The following TOM1L2 variants were observed in gnomAD, a reference collection of about 807,000 sequenced individuals.
TOM1L2 encodes target of myb1 like 2 membrane trafficking protein.
A neutral mutation model predicts 67.9 loss-of-function variants in TOM1L2; 31 were observed. That is an observed-to-expected ratio of 0.46 (90% CI 0.34 to 0.62). TOM1L2 has a LOEUF of 0.62. Among genes scored for constraint, TOM1L2 ranks in the 20% least tolerant of loss-of-function variants. The pLI is 0.01. For missense variants in TOM1L2, 606 were observed against 663.5 expected, an observed-to-expected ratio of 0.91 and a Z score of 0.95; for synonymous variants, 256 against 254.0, an observed-to-expected ratio of 1.01 and a Z score of -0.07.
intron 1 of TOM1L2, among the ~76,000 whole-genome samples, chr17:17,947,212 G>T (rs1431625654): frequency 6.6e-6 from 1 of 151,042 alleles, no homozygotes; most frequent in Non-Finnish European, 1.5e-5. Flanking sequence ...TATACGGTGG[G>T]GGGGTCTCAC....
intron 7 of TOM1L2, among the ~76,000 whole-genome samples, chr17:17,871,255 C>T (rs2037137718): frequency 6.6e-6 from 1 of 152,116 alleles, no homozygotes; most frequent in African/African-American, 2.4e-5. Context: ...CCTGTAGTCC[C>T]AGCTACTTGG....
intron 1 of TOM1L2, among the ~76,000 whole-genome samples, chr17:17,969,058 T>C (rs1014444385): frequency 6.7e-5 from 9 of 133,406 alleles, no homozygotes; most frequent in Admixed American, 5.9e-4. Context: ...CCAGCTCTCC[T>C]TTTTTTTTTT....
At position 17,850,973 on chromosome 17, in the gene TOM1L2, G is replaced by A. The variant is rs371214368; in HGVS notation, c.1279-21C>T. 131 of 1,613,074 alleles carry A rather than the reference G, an allele frequency of 8.1e-5. 1 individual carries two copies. Among genetic ancestry groups the A allele is most frequent in the South Asian group, 5.7e-4 (52 of 91,084 alleles). ...GGGATCTATGGAGGCGGCAAGCAGC[G>A]GGCCAGGCAGCCCCCACACAGCCAG... On this transcript the variant is annotated intron_variant, in intron 12 of 14. Coordinates refer to ENST00000379504, the MANE Select transcript of TOM1L2 (RefSeq NM_001082968.2).
Position 17,893,632 on chromosome 17 carries a change from C to A in TOM1L2, c.366+29G>T, listed in dbSNP as rs186028319. Reference sequence around the variant, plus strand: ...TAAGAGACTTCATCTTACTCTGTTCCAACAAATTGGGCAAGGGGTCCAACC... The same window carrying A: ...TAAGAGACTTCATCTTACTCTGTTCAAACAAATTGGGCAAGGGGTCCAACC... On this transcript the variant is annotated intron_variant, in intron 4 of 14. Coordinates refer to ENST00000379504, the MANE Select transcript of TOM1L2 (RefSeq NM_001082968.2). The A allele has an allele frequency of 1.9e-4, 304 of 1,605,306 alleles. 1 individual carries two copies. In the East Asian group the frequency reaches 5.0e-3, roughly 26 times the overall value.
At chr17:17,861,641 A>G (rs2036565912) in intron 11 of TOM1L2, 90 bp from the exon 12 acceptor site, 6 of 1,132,374 alleles carry the variant, frequency 5.3e-6, no homozygotes, top group Admixed American at 1.9e-5. Context: ...CTTCTATCCT[A>G]TGGTCCTTCC....
intron 4 of TOM1L2, among the ~76,000 whole-genome samples, chr17:17,886,275 C>G (rs969090317): frequency 6.6e-6 from 1 of 152,258 alleles, no homozygotes; most frequent in African/African-American, 2.4e-5. Flanking sequence ...TACTGTCAGC[C>G]CGGCTTTCCC....
chr17:17,910,295 C>G (rs1311071678), intron 1 of TOM1L2, among the ~76,000 whole-genome samples: 3 of 152,206 alleles, frequency 2.0e-5, no homozygotes, highest in African/African-American at 7.2e-5. Context: ...TGACTCCCTT[C>G]CCCCTCTGGG....
intron 1 of TOM1L2, among the ~76,000 whole-genome samples, chr17:17,934,947 C>T (rs2040462166): frequency 6.6e-6 from 1 of 152,206 alleles, no homozygotes; most frequent in African/African-American, 2.4e-5. Flanking sequence ...ATTACTCAGC[C>T]ACCGTGCTGC....
intron 7 of TOM1L2, among the ~76,000 whole-genome samples, chr17:17,873,534 G>A (rs1285232855): frequency 6.6e-6 from 1 of 152,184 alleles, no homozygotes; most frequent in Non-Finnish European, 1.5e-5. Flanking sequence ...TGGATTTAGA[G>A]GAGAACCAAA....
chr17:17,923,079 G>A (rs2039943681), intron 1 of TOM1L2, among the ~76,000 whole-genome samples: 1 of 152,166 alleles, frequency 6.6e-6, no homozygotes, highest in Admixed American at 6.5e-5. Flanking sequence ...AGTTTCCCAG[G>A]GCTCATACCT....
chr17:17,968,141 C>A (rs1370002923), intron 1 of TOM1L2, among the ~76,000 whole-genome samples: 1 of 152,206 alleles, frequency 6.6e-6, no homozygotes, highest in African/African-American at 2.4e-5. Flanking sequence ...AGACCCAGGA[C>A]ACCTTTTGTG....
At chr17:17,940,991 A>G (rs922221426) in intron 1 of TOM1L2, among the ~76,000 whole-genome samples, 5 of 152,216 alleles carry the variant, frequency 3.3e-5, no homozygotes. Context: ...GGGATTCTCA[A>G]TCTTCTGCTA....
intron 6 of TOM1L2, among the ~76,000 whole-genome samples, chr17:17,881,838 C>T (rs1383543367): frequency 6.6e-6 from 1 of 152,214 alleles, no homozygotes; most frequent in Non-Finnish European, 1.5e-5. Context: ...ACACTGCCAT[C>T]CCTACACACA....
At position 17,879,656 on chromosome 17, in the gene TOM1L2, C is replaced by T. The variant is rs1468445668; in HGVS notation, c.748G>A (p.Glu250Lys). Residue 250 changes from glutamate (E) to lysine (K), a missense_variant, in exon 7 of 15, where the codon GAG (glutamate) becomes AAG (lysine). This residue lies in a region of TOM1L2 where 543 missense variants were observed against 554.0 expected (regional missense o/e 0.98). Transcript: ENST00000379504. ...EMLTEMVPGQ[E>K]DSSDLELLQE... ...AGCAACTCCAGATCAGATGAATCCT[C>T]CTGTCCAGGGACCATTTCTGTTAAC... 1 of 1,614,082 alleles carries T rather than the reference C, an allele frequency of 6.2e-7. No homozygotes were observed. Among genetic ancestry groups the T allele is most frequent in the Non-Finnish European group, 8.5e-7 (1 of 1,180,032 alleles).
chr17:17,919,292 C>A (rs994012996), intron 1 of TOM1L2, among the ~76,000 whole-genome samples: 1 of 152,226 alleles, frequency 6.6e-6, no homozygotes, highest in African/African-American at 2.4e-5. Flanking sequence ...AACTTTATTA[C>A]AGCTCTTCTG....
rs77671185 is a variant in TOM1L2, at chr17:17,869,322, A to G, written c.911+18T>C. ...TCTTTTCAAGGGAAAAAAAAAAAAA[A>G]AGAAATCCGGCTCCCACCTCTCGTA... is the stretch of plus-strand genomic sequence containing the variant. On this transcript the variant is annotated intron_variant, in intron 8 of 14. Coordinates refer to ENST00000379504, the MANE Select transcript of TOM1L2 (RefSeq NM_001082968.2). The G allele has an allele frequency of 3.1e-6, 5 of 1,607,516 alleles. No homozygotes were observed. Among genetic ancestry groups the G allele is most frequent in the Non-Finnish European group, 2.5e-6 (3 of 1,179,638 alleles).
chr17:17,881,859 C>T (rs1337788860), intron 6 of TOM1L2, among the ~76,000 whole-genome samples: 1 of 152,206 alleles, frequency 6.6e-6, no homozygotes, highest in Non-Finnish European at 1.5e-5. Context: ...CATTGCTATC[C>T]CTACACACAC....
intron 7 of TOM1L2, among the ~76,000 whole-genome samples, chr17:17,878,147 A>G (rs2037520052): frequency 6.6e-6 from 1 of 152,242 alleles, no homozygotes; most frequent in Non-Finnish European, 1.5e-5. Context: ...ACCTTCCTGC[A>G]GGCTAGGAAT....
At chr17:17,928,106 T>G (rs1337010523) in intron 1 of TOM1L2, among the ~76,000 whole-genome samples, 5 of 151,588 alleles carry the variant, frequency 3.3e-5, no homozygotes, top group Non-Finnish European at 4.4e-5. Context: ...TATGTGGGGG[T>G]TCATTATAGT....
Sources: gnomAD v4.1 joint callset for allele counts (sites outside exome capture counted in the v4.1 genomes callset) on GRCh38, gnomAD v4.1.1 for gene constraint, gnomAD v4.1.1 regional missense constraint, MANE v1.5 for transcripts, NCBI Gene and HGNC (gene_info 2026-07-23, HGNC 2026-07-21) for gene names.